Variants in FBXW7 observed in about 807,000 individuals in gnomAD.
FBXW7 encodes the protein F-box/WD repeat-containing protein 7.
FBXW7 carries 11 observed loss-of-function variants against 86.3 expected under a neutral mutation model. That is an observed-to-expected ratio of 0.13 (90% confidence interval 0.08 to 0.21). FBXW7 has a LOEUF of 0.21. Ranked by LOEUF, FBXW7 falls within the 10% of genes least tolerant of loss-of-function variation. The pLI, the probability that FBXW7 is intolerant of heterozygous loss-of-function variation, is 1.00. For synonymous variants in FBXW7, 313 were observed against 297.9 expected (o/e 1.05, Z -0.52); for missense variants, 488 against 847.4 (o/e 0.58, Z 5.27).
chr4:152,382,386 A>G lies in FBXW7; in HGVS notation c.501+28917T>C, dbSNP rs1214199169. 4 of 1,398,608 alleles carry G rather than the reference A, an allele frequency of 2.9e-6. No homozygotes were observed. In the African/African-American group the frequency reaches 4.4e-5, roughly 16 times the overall value. The allele number at this position is 1,398,608 out of a possible 1,614,324, so 86.6% of individuals were successfully genotyped here. On this transcript the variant is annotated intron_variant, in intron 4 of 13. Coordinates refer to ENST00000281708, the MANE Select transcript of FBXW7 (RefSeq NM_001349798.2). The stretch of plus-strand genomic sequence containing the variant: ...TACTCTCTACATGTAATACAGGCAC[A>G]TTACTAAAAGCTCTAACCACTAAAT...
chr4:152,498,643 C>CA (rs1746609334), intron 2 of FBXW7, among the ~76,000 whole-genome samples: 1 of 151,940 alleles, frequency 6.6e-6, no homozygotes, highest in East Asian at 1.9e-4. Flanking sequence ...TACAGAAAAA[C>CA]AAAACAAAAC....
At chr4:152,441,330 C>T (rs1466406963) in intron 2 of FBXW7, among the ~76,000 whole-genome samples, 5 of 152,108 alleles carry the variant, frequency 3.3e-5, no homozygotes, top group Admixed American at 6.6e-5. Flanking sequence ...ATTTTCTCTA[C>T]CCCTAAGCCT....
intron 4 of FBXW7, among the ~76,000 whole-genome samples, chr4:152,388,977 G>A (rs916519081): frequency 6.6e-6 from 1 of 151,884 alleles, no homozygotes; most frequent in Non-Finnish European, 1.5e-5. Flanking sequence ...AAAAGAACAT[G>A]AATAAATACT....
intron 4 of FBXW7, among the ~76,000 whole-genome samples, chr4:152,370,658 T>C (rs1371654616): frequency 6.6e-6 from 1 of 151,984 alleles, no homozygotes; most frequent in East Asian, 1.9e-4. Flanking sequence ...CACTTTCAAC[T>C]ATTCTCTCTC....
chr4:152,380,813 T>G (rs959467794), intron 4 of FBXW7, among the ~76,000 whole-genome samples: 1 of 152,028 alleles, frequency 6.6e-6, no homozygotes, highest in Non-Finnish European at 1.5e-5. Flanking sequence ...CTACACTTCT[T>G]TTTCTCAATT....
intron 4 of FBXW7, among the ~76,000 whole-genome samples, chr4:152,387,281 C>G (rs1371339521): frequency 2.6e-5 from 4 of 152,102 alleles, no homozygotes; most frequent in Non-Finnish European, 5.9e-5. Context: ...CAGAAAGTCC[C>G]ACATGCTAAA....
chr4:152,332,190 T>A (rs1249095455), intron 8 of FBXW7, among the ~76,000 whole-genome samples: 1 of 152,094 alleles, frequency 6.6e-6, no homozygotes, highest in East Asian at 1.9e-4. Flanking sequence ...ATAAGCTCCA[T>A]GACAAAAGAG....
intron 2 of FBXW7, among the ~76,000 whole-genome samples, chr4:152,459,687 A>C (rs1466091034): frequency 6.6e-6 from 1 of 152,238 alleles, no homozygotes; most frequent in Non-Finnish European, 1.5e-5. Context: ...AACTCTATAT[A>C]TACTATGTCT....
At chr4:152,405,488 T>C (rs1737337182) in intron 4 of FBXW7, among the ~76,000 whole-genome samples, 1 of 152,172 alleles carries the variant, frequency 6.6e-6, no homozygotes. Flanking sequence ...AACATTCTCA[T>C]TTAGGTTTGG....
At chr4:152,429,151 T>A (rs560175481) in intron 2 of FBXW7, among the ~76,000 whole-genome samples, 23 of 152,148 alleles carry the variant, frequency 1.5e-4, no homozygotes, top group African/African-American at 5.3e-4. Context: ...GATCGGGTCA[T>A]TGCACTCCAG....
intron 2 of FBXW7, among the ~76,000 whole-genome samples, chr4:152,449,364 G>A (rs907713950): frequency 5.3e-5 from 8 of 152,196 alleles, no homozygotes; most frequent in Non-Finnish European, 1.2e-4. Flanking sequence ...AGGACTGATG[G>A]AAGAGGGTAG....
chr4:152,496,461 G>GT (rs1418137830), intron 2 of FBXW7, among the ~76,000 whole-genome samples: 1 of 152,064 alleles, frequency 6.6e-6, no homozygotes, highest in African/African-American at 2.4e-5. Context: ...AGAAGCTGAG[G>GT]TGGGTAGATC....
chr4:152,324,138 A>G, intron 13 of FBXW7, 46 bp downstream of exon 13: 1 of 1,448,854 alleles, frequency 6.9e-7, no homozygotes, highest in Non-Finnish European at 9.6e-7. Context: ...CTCTTGAATA[A>G]TGATCTCATT....
At chr4:152,415,985 A>AT (rs1464743310) in intron 2 of FBXW7, among the ~76,000 whole-genome samples, 1 of 152,130 alleles carries the variant, frequency 6.6e-6, no homozygotes, top group Non-Finnish European at 1.5e-5. Flanking sequence ...CCACAGCACT[A>AT]TATAAAAGCA....
At chr4:152,474,898 T>G (rs1390861416) in intron 2 of FBXW7, among the ~76,000 whole-genome samples, 2 of 152,184 alleles carry the variant, frequency 1.3e-5, no homozygotes, top group East Asian at 3.9e-4. Context: ...TCTCCCGACC[T>G]CATGATCCGC....
Position 152,325,995 on chromosome 4 carries a change from A to C in FBXW7, c.1644+11T>G. 99 of 1,592,950 alleles carry C rather than the reference A, an allele frequency of 6.2e-5. No individual in the cohort carries two copies. The highest frequency in any genetic ancestry group is 7.5e-5 in the Non-Finnish European group (87 of 1,161,258). On this transcript the variant is annotated intron_variant, in intron 12 of 13. Coordinates refer to ENST00000281708, the MANE Select transcript of FBXW7 (RefSeq NM_001349798.2). ...CAGGAGAGCATTTAAGGGAGAGATA[A>C]GAGATCTTACCTGTAATGAATAGAC... is the stretch of plus-strand genomic sequence containing the variant.
At position 152,328,396 on chromosome 4, in the gene FBXW7, A is replaced by G. The variant is rs2126516713; in HGVS notation, c.1237-7T>C. Reference sequence around the variant, plus strand: ...CCACTAATGTTCTCAGACACTGGAAAAACACTTAAGATGATTACTTTTGGG... The same window carrying G: ...CCACTAATGTTCTCAGACACTGGAAGAACACTTAAGATGATTACTTTTGGG... On this transcript the variant is annotated splice_region_variant and splice_polypyrimidine_tract_variant and intron_variant, in intron 10 of 13. Coordinates refer to ENST00000281708, the MANE Select transcript of FBXW7 (RefSeq NM_001349798.2). The G allele has an allele frequency of 6.7e-7, 1 of 1,490,762 alleles. No individual in the cohort carries two copies. The highest frequency in any genetic ancestry group is 1.5e-5 in the African/African-American group (1 of 68,930). The allele number at this position is 1,490,762 out of a possible 1,614,324, so 92.3% of individuals were successfully genotyped here. A position where few individuals can be genotyped will look rare whatever the true frequency, so the allele number is the denominator to read the frequency against.
In FBXW7 at chr4:152,322,360, T is replaced by TACA. The variant is rs1479643446; in HGVS notation, c.*518_*520dup. On this transcript the variant is annotated 3_prime_UTR_variant, in exon 14 of 14. Coordinates refer to ENST00000281708, the MANE Select transcript of FBXW7 (RefSeq NM_001349798.2). The stretch of plus-strand genomic sequence containing the variant: ...AAAAAAAAGCTTTTCATGATAACTG[T>TACA]ACAAAAACAATTCACAGTAATTTTT... 2 of 231,732 alleles carry TACA rather than the reference T, an allele frequency of 8.6e-6. No individual in the cohort carries two copies. The highest frequency in any genetic ancestry group is 4.5e-5 in the African/African-American group (2 of 44,936). 14.4% of individuals were successfully genotyped at this position (231,732 alleles called of 1,614,324 possible).
chr4:152,440,730 C>G (rs926514169), intron 2 of FBXW7, among the ~76,000 whole-genome samples: 2 of 152,054 alleles, frequency 1.3e-5, no homozygotes, highest in African/African-American at 4.8e-5. Flanking sequence ...TTGCACAGAA[C>G]AAGTACACCC....
Sources: allele counts gnomAD v4.1 joint callset (sites outside exome capture counted in the v4.1 genomes callset), GRCh38; gene constraint gnomAD v4.1.1; transcripts MANE v1.5; gene names NCBI Gene and HGNC (gene_info 2026-07-23, HGNC 2026-07-21).